TACR3: variants seen among roughly 807,000 people sequenced by gnomAD.
The protein encoded by TACR3 is neuromedin-K receptor.
TACR3 carries 34 observed loss-of-function variants against 35.0 expected under a neutral mutation model. The observed-to-expected ratio is 0.97, with a 90% confidence interval of 0.74 to 1.30. TACR3 has a LOEUF of 1.30. TACR3 is among the 50% of genes most tolerant of loss of function. The pLI is 0.00. For synonymous variants in TACR3, 233 were observed against 221.1 expected (o/e 1.05, Z -0.48); for missense variants, 558 against 591.7 (o/e 0.94, Z 0.59).
intron 3 of TACR3, among the ~76,000 whole-genome samples, chr4:103,631,422 G>A (rs1444730046): frequency 6.6e-6 from 1 of 151,708 alleles, no homozygotes; most frequent in African/African-American, 2.4e-5. Flanking sequence ...ATAATAAAAA[G>A]CTTCCTATGT....
intron 3 of TACR3, among the ~76,000 whole-genome samples, chr4:103,635,261 C>A (rs1376596155): frequency 2.0e-5 from 3 of 151,694 alleles, no homozygotes; most frequent in African/African-American, 7.3e-5. Context: ...TATATTTTTT[C>A]TTTCTGACAA....
rs781565611 is a variant in TACR3 at position 103,656,362 on chromosome 4, AAC to A, written c.738-20_738-19del. 2.5e-6 allele frequency: 4 copies of A among 1,610,396 alleles called. No individual in the cohort carries two copies. The highest frequency in any genetic ancestry group is 3.4e-6 in the Non-Finnish European group (4 of 1,177,694). On this transcript the variant is annotated intron_variant, in intron 2 of 4. Coordinates refer to ENST00000304883, the MANE Select transcript of TACR3 (RefSeq NM_001059.3). ...TATGGTAACTATGAAAAATAAGAAA[AAC>A]ACATGCTGAAGACCTTATTGGAATG... is the stretch of plus-strand genomic sequence containing the variant.
At chr4:103,656,430 T>G (rs911299608) in intron 2 of TACR3, 86 bp from the exon 3 acceptor site, 36 of 1,286,288 alleles carry the variant, frequency 2.8e-5, no homozygotes, top group Non-Finnish European at 4.0e-5. Context: ...AAATCATAAT[T>G]AAAACTACCA....
At chr4:103,607,959 A>G (rs1454438084) in intron 3 of TACR3, among the ~76,000 whole-genome samples, 1 of 152,152 alleles carries the variant, frequency 6.6e-6, no homozygotes, top group Non-Finnish European at 1.5e-5. Flanking sequence ...GATCGTTTCC[A>G]TGGAGACTAG....
In TACR3 at chr4:103,708,496, C is replaced by A. The variant is rs528017929; in HGVS notation, c.548+10632G>T. Reference sequence around the variant, plus strand: ...AATAGAAAGGACATCCGCACCAAAACCCCATCTGTATGTCACCATCATCAA... The same window carrying A: ...AATAGAAAGGACATCCGCACCAAAAACCCATCTGTATGTCACCATCATCAA... On this transcript the variant is annotated intron_variant, in intron 1 of 4. Coordinates refer to ENST00000304883, the MANE Select transcript of TACR3 (RefSeq NM_001059.3). Among the ~76,000 whole-genome samples, 311 of 152,224 alleles carry A rather than the reference C, an allele frequency of 2.0e-3. 1 individual carries two copies. Among genetic ancestry groups the A allele is most frequent in the Admixed American group, 2.6e-3 (39 of 15,292 alleles).
intron 3 of TACR3, among the ~76,000 whole-genome samples, chr4:103,605,380 C>G: frequency 1.1e-5 from 1 of 91,618 alleles, no homozygotes; most frequent in African/African-American, 3.4e-5. Flanking sequence ...ATTTCTAGTT[C>G]TAGATCCCTG....
chr4:103,633,238 A>C (rs1725106614), intron 3 of TACR3, among the ~76,000 whole-genome samples: 1 of 152,088 alleles, frequency 6.6e-6, no homozygotes, highest in African/African-American at 2.4e-5. Context: ...GTATGTGACT[A>C]ACAATGCTTA....
rs1176989291 is a variant in TACR3 at position 103,587,402 on chromosome 4, A to G, written c.*2280T>C. 6.6e-6 allele frequency: 1 copy of G among 152,066 alleles called. No individual in the cohort carries two copies. The highest frequency in any genetic ancestry group is 1.5e-5 in the Non-Finnish European group (1 of 67,968). 9.4% of individuals were successfully genotyped at this position (152,066 alleles called of 1,614,324 possible). On this transcript the variant is annotated 3_prime_UTR_variant, in exon 5 of 5. Coordinates refer to ENST00000304883, the MANE Select transcript of TACR3 (RefSeq NM_001059.3). ...AATACTGTCTGGGTATTTCTGTCAC[A>G]CTAGAAGGGAGGTGCTCGGTAAGCA... is the stretch of plus-strand genomic sequence containing the variant.
At chr4:103,618,390 T>C (rs1435794562) in intron 3 of TACR3, among the ~76,000 whole-genome samples, 3 of 152,112 alleles carry the variant, frequency 2.0e-5, no homozygotes, top group Non-Finnish European at 1.5e-5. Context: ...TGGTTGGTTG[T>C]AGGTGTGTGG....
At chr4:103,600,284 G>C (rs1377545929) in intron 3 of TACR3, among the ~76,000 whole-genome samples, 2 of 152,170 alleles carry the variant, frequency 1.3e-5, no homozygotes, top group Non-Finnish European at 1.5e-5. Context: ...TTGTATTCCT[G>C]TGGGATCAGT....
At chr4:103,709,339 G>A (rs1456717068) in intron 1 of TACR3, among the ~76,000 whole-genome samples, 1 of 152,116 alleles carries the variant, frequency 6.6e-6, no homozygotes, top group Non-Finnish European at 1.5e-5. Flanking sequence ...AGAAGAGAGT[G>A]GGGGCCAATA....
At chr4:103,653,786 A>G (rs1037080778) in intron 3 of TACR3, among the ~76,000 whole-genome samples, 6 of 152,130 alleles carry the variant, frequency 3.9e-5, no homozygotes, top group South Asian at 2.1e-4. Context: ...GAAAATTTTC[A>G]CAACCTACTC....
At chr4:103,620,786 T>G (rs1724757941) in intron 3 of TACR3, among the ~76,000 whole-genome samples, 1 of 152,174 alleles carries the variant, frequency 6.6e-6, no homozygotes, top group Non-Finnish European at 1.5e-5. Flanking sequence ...TTGAGCACTA[T>G]GCTCACACCT....
chr4:103,623,521 A>G (rs1724829053), intron 3 of TACR3, among the ~76,000 whole-genome samples: 1 of 152,194 alleles, frequency 6.6e-6, no homozygotes, highest in Non-Finnish European at 1.5e-5. Context: ...TGACTATAGC[A>G]AAACGTATCT....
chr4:103,700,216 G>A (rs1032723540), intron 1 of TACR3, among the ~76,000 whole-genome samples: 1 of 152,096 alleles, frequency 6.6e-6, no homozygotes, highest in African/African-American at 2.4e-5. Flanking sequence ...TATCAAAGTA[G>A]TATCATCGAA....
At chr4:103,604,866 C>T (rs1411692574) in intron 3 of TACR3, among the ~76,000 whole-genome samples, 1 of 150,848 alleles carries the variant, frequency 6.6e-6, no homozygotes, top group African/African-American at 2.5e-5. Context: ...TTTTAGGGTA[C>T]ATGTGCACAT....
In TACR3 at chr4:103,719,662, G is replaced by T. The variant is rs1477783563; in HGVS notation, c.14C>A (p.Pro5Gln). Residue 5 changes from proline (P) to glutamine (Q), a missense_variant, in exon 1 of 5, where the codon CCA becomes CAA. Pro to Gln is a moderately conservative substitution (Grantham distance 76, BLOSUM62 -1). Coordinates refer to ENST00000304883, the MANE Select transcript of TACR3 (RefSeq NM_001059.3). The stretch of plus-strand genomic sequence containing the variant: ...CCCGTCTATCCAGGTTTCTGCTGCT[G>T]GGAGAGTGGCCATCGCCACCGGTCT... MATLPAAETWIDGGG... is the reference protein window; with the variant it reads MATLQAAETWIDGGG... 1.2e-6 allele frequency: 2 copies of T among 1,610,950 alleles called. No homozygotes were observed. The highest frequency in any genetic ancestry group is 4.5e-5 in the East Asian group (2 of 44,864).
chr4:103,627,975 C>T (rs1724945684), intron 3 of TACR3, among the ~76,000 whole-genome samples: 1 of 152,164 alleles, frequency 6.6e-6, no homozygotes, highest in Non-Finnish European at 1.5e-5. Context: ...CAAATCAGAA[C>T]TCAGGATTAA....
intron 1 of TACR3, among the ~76,000 whole-genome samples, chr4:103,695,709 CTCTGTG>C (rs1410616771): frequency 2.2e-5 from 3 of 139,196 alleles, no homozygotes; most frequent in African/African-American, 9.6e-5. Context: ...ATGTCTCTCT[CTCTGTG>C]TGTGTGTGTG....
Sources: allele counts gnomAD v4.1 joint callset (sites outside exome capture counted in the v4.1 genomes callset), GRCh38; gene constraint gnomAD v4.1.1; transcripts MANE v1.5; gene names NCBI Gene and HGNC (gene_info 2026-07-23, HGNC 2026-07-21).